The following PARD3 variants were observed in gnomAD, a reference collection of about 807,000 sequenced individuals.
The protein encoded by PARD3 is partitioning defective 3 homolog.
In PARD3, 75 loss-of-function variants were observed where a neutral mutation model predicts 155.4. The observed-to-expected ratio is 0.48, with a 90% CI of 0.40 to 0.58. PARD3 has a LOEUF of 0.58. PARD3 is among the 20% of genes least tolerant of loss of function. The pLI, the probability that PARD3 is intolerant of heterozygous loss-of-function variation, is 0.00. For synonymous variants in PARD3, 576 were observed against 610.5 expected (o/e 0.94, Z 0.83); for missense variants, 1,642 against 1,721.7 (o/e 0.95, Z 0.82).
chr10:34,463,059 GA>G (rs2077764637), intron 4 of PARD3, among the ~76,000 whole-genome samples: 1 of 72,626 alleles, frequency 1.4e-5, no homozygotes, highest in African/African-American at 5.6e-5. Context: ...AGGGAAGGGG[GA>G]GGGGAAGGGG....
At chr10:34,182,798 C>T (rs1395242271) in intron 22 of PARD3, among the ~76,000 whole-genome samples, 1 of 151,612 alleles carries the variant, frequency 6.6e-6, no homozygotes, top group Non-Finnish European at 1.5e-5. Context: ...CTAACAGGCC[C>T]GATTTAGTGA....
chr10:34,570,674 C>T (rs184966302), intron 2 of PARD3, among the ~76,000 whole-genome samples: 2 of 152,256 alleles, frequency 1.3e-5, no homozygotes, highest in Non-Finnish European at 2.9e-5. Context: ...ATGAATACTA[C>T]ATATCAGAAA....
chr10:34,314,551 T>C (rs1260433138), intron 20 of PARD3, among the ~76,000 whole-genome samples: 1 of 152,154 alleles, frequency 6.6e-6, no homozygotes, highest in Non-Finnish European at 1.5e-5. Context: ...TGGTCAAAGG[T>C]ATTTATGTTC....
chr10:34,302,243 T>G (rs1030379790), intron 20 of PARD3, among the ~76,000 whole-genome samples: 35 of 152,336 alleles, frequency 2.3e-4, no homozygotes, highest in African/African-American at 7.5e-4. Flanking sequence ...TGAAATTGAT[T>G]TAGTGGCACT....
At chr10:34,441,852 T>G (rs906294889) in intron 5 of PARD3, among the ~76,000 whole-genome samples, 1 of 152,192 alleles carries the variant, frequency 6.6e-6, no homozygotes, top group African/African-American at 2.4e-5. Flanking sequence ...CACAACAAAA[T>G]AATCTGCTAC....
chr10:34,276,499 C>G (rs1295239542), intron 21 of PARD3, among the ~76,000 whole-genome samples: 1 of 152,140 alleles, frequency 6.6e-6, no homozygotes, highest in Non-Finnish European at 1.5e-5. Flanking sequence ...ATAAAACACA[C>G]AAGACTTCTG....
chr10:34,268,491 C>T (rs371749960), intron 22 of PARD3, among the ~76,000 whole-genome samples: 2,822 of 145,726 alleles, frequency 0.019, 95 homozygotes, highest in African/African-American at 0.071. Flanking sequence ...ATGTTTATTG[C>T]GGCACTATTC....
intron 20 of PARD3, among the ~76,000 whole-genome samples, chr10:34,303,883 CG>C (rs1957275054): frequency 6.6e-6 from 1 of 151,852 alleles, no homozygotes; most frequent in African/African-American, 2.4e-5. Context: ...ACACAGTCTG[CG>C]GAAAAGACCT....
chr10:34,163,356 A>G (rs1949374556), intron 22 of PARD3, among the ~76,000 whole-genome samples: 1 of 152,214 alleles, frequency 6.6e-6, no homozygotes, highest in Admixed American at 6.5e-5. Context: ...GTGAGGTGGC[A>G]TATATGCTGG....
chr10:34,518,021 G>C (rs1463685432), intron 2 of PARD3, among the ~76,000 whole-genome samples: 1 of 152,140 alleles, frequency 6.6e-6, no homozygotes, highest in Non-Finnish European at 1.5e-5. Context: ...GGGGATTACA[G>C]GCGTATGCCA....
intron 2 of PARD3, among the ~76,000 whole-genome samples, chr10:34,535,384 A>G (rs921128101): frequency 3.3e-5 from 5 of 152,214 alleles, no homozygotes; most frequent in Non-Finnish European, 5.9e-5. Context: ...CAAAACGGAT[A>G]CCAGACAGTT....
At chr10:34,111,975 T>C (rs1444208255) in intron 24 of PARD3, among the ~76,000 whole-genome samples, 1 of 152,230 alleles carries the variant, frequency 6.6e-6, no homozygotes. Context: ...AATTCAATTC[T>C]AAACAAGCAC....
chr10:34,357,954 C>T lies in PARD3; in HGVS notation c.2067+1193G>A, dbSNP rs112789407. ...ATGAGTGGTCACTGCAACCTGAAAA[C>T]GGTGCTTTATGTGTTTATTAAACAG... On this transcript the variant is annotated intron_variant, in intron 14 of 24. Coordinates refer to ENST00000374788, the MANE Select transcript of PARD3 (RefSeq NM_001184785.2). Among the ~76,000 whole-genome samples, 386 of 152,198 alleles carry T rather than the reference C, an allele frequency of 2.5e-3. 4 individuals are homozygous for T. The highest frequency in any genetic ancestry group is 9.0e-3 in the African/African-American group (376 of 41,548).
At chr10:34,186,948 C>A (rs890598661) in intron 22 of PARD3, among the ~76,000 whole-genome samples, 3 of 152,204 alleles carry the variant, frequency 2.0e-5, no homozygotes, top group Admixed American at 1.3e-4. Context: ...ACTGAATTCG[C>A]TCCTCAAAAA....
At chr10:34,574,728 A>C (rs1056354565) in intron 2 of PARD3, among the ~76,000 whole-genome samples, 3 of 152,158 alleles carry the variant, frequency 2.0e-5, no homozygotes, top group Non-Finnish European at 4.4e-5. Flanking sequence ...CGGAACCAAG[A>C]TATAGGAGCT....
intron 4 of PARD3, among the ~76,000 whole-genome samples, chr10:34,457,810 AG>A (rs1438599558): frequency 6.6e-6 from 1 of 152,156 alleles, no homozygotes; most frequent in African/African-American, 2.4e-5. Context: ...TATATTGCCG[AG>A]GCTGGTCTTA....
chr10:34,695,828 A>G (rs2094160280), intron 2 of PARD3, among the ~76,000 whole-genome samples: 1 of 151,804 alleles, frequency 6.6e-6, no homozygotes, highest in Admixed American at 6.6e-5. Flanking sequence ...CCTGAGGGCC[A>G]GGCCCTGCAC....
intron 1 of PARD3, among the ~76,000 whole-genome samples, chr10:34,755,725 GAATGGGAAAAAGAAA>G: frequency 6.6e-6 from 1 of 152,012 alleles, no homozygotes; most frequent in Non-Finnish European, 1.5e-5. Context: ...TTGAGATGAG[GAATGGGAAAAAGAAA>G]ACATTCCATC....
chr10:34,115,995 G>A (rs1460424565), intron 24 of PARD3, among the ~76,000 whole-genome samples: 4 of 152,136 alleles, frequency 2.6e-5, no homozygotes, highest in African/African-American at 4.8e-5. Flanking sequence ...ACAGGCGTAA[G>A]CCACCACGCC....
Sources: allele counts gnomAD v4.1 joint callset (sites outside exome capture counted in the v4.1 genomes callset), GRCh38; gene constraint gnomAD v4.1.1; transcripts MANE v1.5; gene names NCBI Gene and HGNC (gene_info 2026-07-23, HGNC 2026-07-21).